EPHA6: variants seen among roughly 807,000 people sequenced by gnomAD.
The protein encoded by EPHA6 is EPH receptor A6.
Under a neutral mutation model 112.0 loss-of-function variants are expected in EPHA6, and 50 were observed. The observed-to-expected ratio is 0.45, with a 90% CI of 0.36 to 0.56. EPHA6 has a LOEUF of 0.56. EPHA6 is among the 20% of genes least tolerant of loss of function. EPHA6 has a pLI of 0.00. For synonymous variants in EPHA6, 529 were observed against 490.7 expected (o/e 1.08, Z -1.03); for missense variants, 1,280 against 1,417.4 (o/e 0.90, Z 1.56).
At chr3:96,867,525 C>T (rs1323393483) in intron 2 of EPHA6, among the ~76,000 whole-genome samples, 1 of 151,706 alleles carries the variant, frequency 6.6e-6, no homozygotes, top group East Asian at 1.9e-4. Flanking sequence ...TATATGTCTA[C>T]TTCTCATTTT....
intron 3 of EPHA6, among the ~76,000 whole-genome samples, chr3:97,156,653 T>C (rs577127085): frequency 2.0e-5 from 3 of 152,304 alleles, no homozygotes; most frequent in South Asian, 4.1e-4. Context: ...ACTCTGGCAT[T>C]AACATAAATG....
chr3:97,079,703 A>G (rs2046658601), intron 3 of EPHA6, among the ~76,000 whole-genome samples: 2 of 151,872 alleles, frequency 1.3e-5, no homozygotes, highest in South Asian at 4.1e-4. Context: ...AATAACATTG[A>G]ATACTACAAA....
At chr3:96,948,895 TCA>T (rs2041405751) in intron 2 of EPHA6, among the ~76,000 whole-genome samples, 1 of 152,178 alleles carries the variant, frequency 6.6e-6, no homozygotes, top group Admixed American at 6.6e-5. Context: ...TTGGCTTTAC[TCA>T]CACTGCAATG....
chr3:97,529,481 A>G (rs1168344624), intron 10 of EPHA6, among the ~76,000 whole-genome samples: 2 of 152,102 alleles, frequency 1.3e-5, no homozygotes, highest in Non-Finnish European at 2.9e-5. Flanking sequence ...TGATGAGTTA[A>G]TTATGTACTA....
chr3:97,220,884 C>T (rs1368213503), intron 3 of EPHA6, among the ~76,000 whole-genome samples: 1 of 152,116 alleles, frequency 6.6e-6, no homozygotes, highest in Non-Finnish European at 1.5e-5. Flanking sequence ...ATGTAACTTG[C>T]AGAAACTGTG....
intron 3 of EPHA6, among the ~76,000 whole-genome samples, chr3:97,176,348 C>A (rs1031520425): frequency 6.6e-6 from 1 of 151,730 alleles, no homozygotes; most frequent in Non-Finnish European, 1.5e-5. Context: ...AGATATTGGC[C>A]TGTAGTTTTC....
chr3:97,546,759 C>G (rs1223680252), intron 11 of EPHA6, among the ~76,000 whole-genome samples: 1 of 152,124 alleles, frequency 6.6e-6, no homozygotes. Flanking sequence ...AAGCTTTGTT[C>G]ATTTCTTTTT....
At chr3:97,576,144 A>G (rs1350274642) in intron 11 of EPHA6, among the ~76,000 whole-genome samples, 6 of 152,180 alleles carry the variant, frequency 3.9e-5, no homozygotes, top group Non-Finnish European at 8.8e-5. Flanking sequence ...TAGGAAAGTT[A>G]TCTCAAAATT....
At chr3:97,512,845 G>T (rs2092389188) in intron 10 of EPHA6, among the ~76,000 whole-genome samples, 1 of 152,186 alleles carries the variant, frequency 6.6e-6, no homozygotes, top group African/African-American at 2.4e-5. Context: ...GGTTACAGAT[G>T]TGAGCTGCCG....
chr3:97,288,454 T>C (rs1035974021), intron 5 of EPHA6, among the ~76,000 whole-genome samples: 3 of 152,220 alleles, frequency 2.0e-5, no homozygotes, highest in Admixed American at 6.5e-5. Context: ...CCATTACATA[T>C]ACATCACATT....
chr3:97,187,725 GAAA>G (rs2077187958), intron 3 of EPHA6, among the ~76,000 whole-genome samples: 3 of 148,044 alleles, frequency 2.0e-5, no homozygotes, highest in African/African-American at 7.6e-5. Flanking sequence ...AAGAAAGAAA[GAAA>G]GAAAGAAAGA....
chr3:97,028,167 T>C (rs1361142911), intron 3 of EPHA6, among the ~76,000 whole-genome samples: 3 of 152,146 alleles, frequency 2.0e-5, no homozygotes, highest in African/African-American at 7.2e-5. Context: ...TTTGTTTATA[T>C]AGAGAGGAGA....
chr3:97,309,006 G>A (rs977715198), intron 5 of EPHA6, among the ~76,000 whole-genome samples: 14 of 151,496 alleles, frequency 9.2e-5, no homozygotes, highest in Admixed American at 8.6e-4. Context: ...ATTTTCTACA[G>A]GAGAATTAAA....
chr3:97,696,701 A>C (rs946156801), intron 14 of EPHA6, among the ~76,000 whole-genome samples: 24 of 152,070 alleles, frequency 1.6e-4, no homozygotes, highest in African/African-American at 5.6e-4. Context: ...ATAATAACTA[A>C]ATTTTACTGA....
At chr3:97,188,570 C>A (rs960498208) in intron 3 of EPHA6, among the ~76,000 whole-genome samples, 2 of 151,784 alleles carry the variant, frequency 1.3e-5, no homozygotes, top group African/African-American at 2.4e-5. Flanking sequence ...ATAAATACAG[C>A]AAACCATTAT....
chr3:97,165,393 GT>G (rs2076517976), intron 3 of EPHA6, among the ~76,000 whole-genome samples: 1 of 152,024 alleles, frequency 6.6e-6, no homozygotes, highest in Admixed American at 6.6e-5. Context: ...CTTCTGCAAA[GT>G]ATAATGACTT....
chr3:97,151,391 A>C (rs2108376297), intron 3 of EPHA6, among the ~76,000 whole-genome samples: 1 of 152,290 alleles, frequency 6.6e-6, no homozygotes, highest in Non-Finnish European at 1.5e-5. Flanking sequence ...TGTTTTGCAT[A>C]ATTTTTGTGT....
chr3:97,357,391 C>T (rs1446241399), intron 5 of EPHA6, among the ~76,000 whole-genome samples: 1 of 151,890 alleles, frequency 6.6e-6, no homozygotes, highest in Non-Finnish European at 1.5e-5. Flanking sequence ...ATAGTAGAAC[C>T]GGGTTTCACC....
intron 5 of EPHA6, among the ~76,000 whole-genome samples, chr3:97,260,461 G>A (rs1013773708): frequency 1.3e-5 from 2 of 152,188 alleles, no homozygotes; most frequent in African/African-American, 2.4e-5. Flanking sequence ...CAGAATTATA[G>A]GCTAGGTCTA....
Sources: gnomAD v4.1 joint callset for allele counts (sites outside exome capture counted in the v4.1 genomes callset) on GRCh38, gnomAD v4.1.1 for gene constraint, MANE v1.5 for transcripts, NCBI Gene and HGNC (gene_info 2026-07-23, HGNC 2026-07-21) for gene names.